PPP2R2B: variants seen among roughly 807,000 people sequenced by gnomAD.
The protein encoded by PPP2R2B is protein phosphatase 2 regulatory subunit Bbeta.
In PPP2R2B, 5 loss-of-function variants were observed where a neutral mutation model predicts 46.0. The observed-to-expected ratio is 0.11, with a 90% CI of 0.06 to 0.23. The LOEUF is 0.23. Ranked by LOEUF, PPP2R2B falls within the 10% of genes least tolerant of loss-of-function variation. PPP2R2B has a pLI of 1.00. For missense variants in PPP2R2B, 367 were observed against 575.0 expected (o/e 0.64, Z 3.70); for synonymous variants, 215 against 206.7 (o/e 1.04, Z -0.34).
At chr5:147,059,949 TTC>T (rs765385552), upstream of PPP2R2B, among the ~76,000 whole-genome samples, 9 of 152,170 alleles carry the variant, frequency 5.9e-5, no homozygotes, top group Non-Finnish European at 1.3e-4. Flanking sequence ...ACCCTGATAA[TTC>T]TCTCTTTGTA....
At chr5:146,733,997 G>A (rs1752388760) in intron 2 of PPP2R2B, among the ~76,000 whole-genome samples, 1 of 151,498 alleles carries the variant, frequency 6.6e-6, no homozygotes, top group Non-Finnish European at 1.5e-5. Flanking sequence ...TCCAGGAATT[G>A]TTTTAAGTGC....
chr5:146,800,777 A>G (rs560909510), intron 2 of PPP2R2B, among the ~76,000 whole-genome samples: 7 of 152,238 alleles, frequency 4.6e-5, no homozygotes, highest in African/African-American at 1.7e-4. Flanking sequence ...GGGGCTCTCC[A>G]AGGAAGTGAA....
In PPP2R2B at chr5:146,581,741, T is replaced by C. The variant is rs949753146; in HGVS notation, c.*8206A>G. On this transcript the variant is annotated 3_prime_UTR_variant, in exon 10 of 10. Coordinates refer to ENST00000394411, the MANE Select transcript of PPP2R2B (RefSeq NM_181675.4). ...GTATGTAATATGACTCACTTTACTTTCCTTTACGGAGAAATAGATTGTCTT... is the reference window on the plus strand; with the variant it reads ...GTATGTAATATGACTCACTTTACTTCCCTTTACGGAGAAATAGATTGTCTT... 3 of 152,242 alleles carry C rather than the reference T, an allele frequency of 2.0e-5. No homozygotes were observed. Among genetic ancestry groups the C allele is most frequent in the Non-Finnish European group, 4.4e-5 (3 of 68,048 alleles). The allele number at this position is 152,242 out of a possible 1,614,324, so 9.4% of individuals were successfully genotyped here. A position where few individuals can be genotyped will look rare whatever the true frequency, so the allele number is the denominator to read the frequency against.
rs576887397 is a variant in PPP2R2B at position 147,042,090 on chromosome 5, A to G, written c.79+13575T>C. ...TTCCCAGGAATTCGTCCGATTGATA[A>G]CGCCCAAATCCCCACGTCTATCACC... On this transcript the variant is annotated intron_variant, in intron 1 of 8. Coordinates refer to the PPP2R2B transcript ENST00000336640. Among the ~76,000 whole-genome samples the G allele has an allele frequency of 2.0e-5, 3 of 152,286 alleles. No homozygotes were observed. In the East Asian group the frequency reaches 5.8e-4, roughly 29 times the overall value.
chr5:146,935,604 T>C (rs1157211176), intron 1 of PPP2R2B, among the ~76,000 whole-genome samples: 1 of 151,976 alleles, frequency 6.6e-6, no homozygotes, highest in Non-Finnish European at 1.5e-5. Context: ...TGTCAGGAAA[T>C]ATATTCCCTG....
chr5:146,621,714 G>A (rs550241711), intron 7 of PPP2R2B, among the ~76,000 whole-genome samples: 2 of 152,280 alleles, frequency 1.3e-5, no homozygotes, highest in Admixed American at 1.3e-4. Context: ...CCATTAACAC[G>A]TGGGCTATCC....
intron 3 of PPP2R2B, 105 bp downstream of exon 3, chr5:146,700,940 G>C (rs187345091): frequency 1.3e-5 from 13 of 1,039,434 alleles, no homozygotes; most frequent in Admixed American, 8.0e-5. Flanking sequence ...TTTAGTTTTC[G>C]AGCAAAGCAG....
intron 5 of PPP2R2B, among the ~76,000 whole-genome samples, chr5:146,687,794 G>A (rs74425561): frequency 0.021 from 3,227 of 152,198 alleles, 46 homozygotes; most frequent in South Asian, 0.029. Context: ...GTCTCTCAGC[G>A]CTGAAACAGA....
At chr5:146,785,392 A>G (rs1249363896) in intron 2 of PPP2R2B, among the ~76,000 whole-genome samples, 1 of 152,110 alleles carries the variant, frequency 6.6e-6, no homozygotes, top group Non-Finnish European at 1.5e-5. Context: ...ACAAAAAAAT[A>G]CAAAAATTAG....
chr5:146,826,477 T>C (rs1337580583), intron 2 of PPP2R2B, among the ~76,000 whole-genome samples: 1 of 152,070 alleles, frequency 6.6e-6, no homozygotes, highest in Non-Finnish European at 1.5e-5. Flanking sequence ...GCTTTGTGAA[T>C]CTAACCCAAG....
At chr5:146,810,397 TGAAAACAGTATGGA>T (rs1410953229) in intron 2 of PPP2R2B, among the ~76,000 whole-genome samples, 1 of 152,142 alleles carries the variant, frequency 6.6e-6, no homozygotes, top group Non-Finnish European at 1.5e-5. Context: ...CTCACTACCA[TGAAAACAGTATGGA>T]GAAAACCACC....
chr5:146,934,717 C>G (rs544869929), intron 1 of PPP2R2B, among the ~76,000 whole-genome samples: 1 of 150,850 alleles, frequency 6.6e-6, no homozygotes, highest in Non-Finnish European at 1.5e-5. Flanking sequence ...TTGAAAGTTG[C>G]ATCCAATTTC....
At chr5:146,864,701 C>T (rs1338769355) in intron 2 of PPP2R2B, among the ~76,000 whole-genome samples, 2 of 152,282 alleles carry the variant, frequency 1.3e-5, no homozygotes, top group East Asian at 3.9e-4. Context: ...TTGAGCCTGC[C>T]TCTCCTCTCA....
chr5:146,725,221 T>C (rs1322727289), intron 2 of PPP2R2B, among the ~76,000 whole-genome samples: 2 of 152,192 alleles, frequency 1.3e-5, no homozygotes, highest in African/African-American at 4.8e-5. Context: ...AGTACCCGAC[T>C]GTATTTTGCT....
intron 1 of PPP2R2B, among the ~76,000 whole-genome samples, chr5:146,953,670 A>G (rs1010718487): frequency 4.6e-5 from 7 of 152,202 alleles, no homozygotes; most frequent in African/African-American, 1.7e-4. Context: ...TTTATGGAAT[A>G]CTTAGCCTGT....
rs1253128996 is a variant in PPP2R2B, at chr5:147,077,310, ACC to A, written c.50+3747_50+3748del. ...CACACACACACACACACACACACAC[ACC>A]CACACCCACACCCCTAGCCCTTATA... is the stretch of plus-strand genomic sequence containing the variant. On this transcript the variant is annotated intron_variant, in intron 2 of 10. Coordinates refer to the PPP2R2B transcript ENST00000394413. Among the ~76,000 whole-genome samples the A allele has an allele frequency of 3.8e-3, 492 of 131,014 alleles. 1 individual carries two copies. The highest frequency in any genetic ancestry group is 0.012 in the African/African-American group (361 of 30,752). The allele number at this position is 131,014 out of a possible 152,430, so 86.0% of individuals were successfully genotyped here.
chr5:146,664,189 ACT>A (rs1776841153), intron 5 of PPP2R2B, among the ~76,000 whole-genome samples: 1 of 151,768 alleles, frequency 6.6e-6, no homozygotes, highest in Non-Finnish European at 1.5e-5. Flanking sequence ...ATATCGATCG[ACT>A]CTTCCTTTCA....
chr5:146,933,081 T>C (rs994093482), intron 1 of PPP2R2B, among the ~76,000 whole-genome samples: 2 of 152,214 alleles, frequency 1.3e-5, no homozygotes, highest in African/African-American at 4.8e-5. Flanking sequence ...GTATTCAACC[T>C]TGGAATTGTA....
intron 7 of PPP2R2B, among the ~76,000 whole-genome samples, chr5:146,625,620 T>C (rs77846064): frequency 2.6e-5 from 4 of 152,172 alleles, no homozygotes; most frequent in East Asian, 3.9e-4. Flanking sequence ...TTAATCCTAT[T>C]TGGGGGTCCA....
Sources: gnomAD v4.1 joint callset for allele counts (sites outside exome capture counted in the v4.1 genomes callset) on GRCh38, gnomAD v4.1.1 for gene constraint, MANE v1.5 for transcripts, NCBI Gene and HGNC (gene_info 2026-07-23, HGNC 2026-07-21) for gene names.